MEI4: variants seen among roughly 807,000 people sequenced by gnomAD.
The protein encoded by MEI4 is meiotic double-stranded break formation protein 4.
Under a neutral mutation model 31.4 loss-of-function variants are expected in MEI4, and 27 were observed. That is an observed-to-expected ratio of 0.86 (90% CI 0.63 to 1.19). The LOEUF is 1.19. Ranked by LOEUF, MEI4 falls within the 50% of genes most tolerant of loss-of-function variation. MEI4 has a pLI of 0.00. For synonymous variants in MEI4, 122 were observed against 145.4 expected (o/e 0.84, Z 1.16); for missense variants, 329 against 398.9 (o/e 0.82, Z 1.49).
chr6:77,718,184 TTG>T (rs1215681829), intron 2 of MEI4, among the ~76,000 whole-genome samples: 1 of 80,824 alleles, frequency 1.2e-5, no homozygotes, highest in African/African-American at 5.3e-5. Context: ...TTCTTTTAAT[TTG>T]GAAATGTCTA....
At chr6:77,753,161 C>G (rs1211851343) in intron 2 of MEI4, among the ~76,000 whole-genome samples, 1 of 152,066 alleles carries the variant, frequency 6.6e-6, no homozygotes, top group East Asian at 1.9e-4. Flanking sequence ...AGAAGAAAAC[C>G]TAGGCAATAC....
chr6:77,838,572 T>C (rs1017146940), intron 4 of MEI4, among the ~76,000 whole-genome samples: 6 of 152,126 alleles, frequency 3.9e-5, no homozygotes, highest in Non-Finnish European at 8.8e-5. Context: ...TCATTCTCAC[T>C]GATTAAAACT....
intron 4 of MEI4, among the ~76,000 whole-genome samples, chr6:77,922,651 C>A (rs1042735460): frequency 2.6e-5 from 4 of 151,652 alleles, no homozygotes; most frequent in Non-Finnish European, 4.4e-5. Context: ...CAGGAAGATT[C>A]AGTATGATAT....
intron 3 of MEI4, among the ~76,000 whole-genome samples, chr6:77,801,585 G>A (rs1769260318): frequency 6.6e-6 from 1 of 152,120 alleles, no homozygotes; most frequent in Non-Finnish European, 1.5e-5. Flanking sequence ...ATGTTAGGGT[G>A]TCAATTTTAG....
At chr6:77,730,644 T>C (rs935700391) in intron 2 of MEI4, among the ~76,000 whole-genome samples, 5 of 151,820 alleles carry the variant, frequency 3.3e-5, no homozygotes, top group African/African-American at 9.7e-5. Context: ...ATTATTATTA[T>C]ACCTTAAGTT....
At chr6:77,844,323 A>C (rs1362435241) in intron 4 of MEI4, among the ~76,000 whole-genome samples, 2 of 152,158 alleles carry the variant, frequency 1.3e-5, no homozygotes, top group Non-Finnish European at 1.5e-5. Flanking sequence ...TAGATTTGGA[A>C]TTTCTGATTG....
chr6:77,754,864 G>A lies in MEI4; in HGVS notation c.233-6266G>A, dbSNP rs550460060. On this transcript the variant is annotated intron_variant, in intron 2 of 4. Coordinates refer to ENST00000684080, the MANE Select transcript of MEI4 (RefSeq NM_001322247.2). ...ACAACTCACTCACTGTCATGAGAAC[G>A]ACACAGCAGTAACCACCCCCATGAT... is the stretch of plus-strand genomic sequence containing the variant. Among the ~76,000 whole-genome samples the A allele has an allele frequency of 4.1e-4, 62 of 152,144 alleles. 1 individual carries two copies. The highest frequency in any genetic ancestry group is 2.6e-4 in the Non-Finnish European group (18 of 67,992).
At chr6:77,885,985 T>C (rs770647893) in intron 4 of MEI4, among the ~76,000 whole-genome samples, 7 of 152,190 alleles carry the variant, frequency 4.6e-5, no homozygotes, top group African/African-American at 7.2e-5. Flanking sequence ...TGTTGCATTA[T>C]TCTTACATCT....
At chr6:77,671,797 G>A (rs1449467758) in intron 1 of MEI4, among the ~76,000 whole-genome samples, 2 of 152,178 alleles carry the variant, frequency 1.3e-5, no homozygotes, top group African/African-American at 4.8e-5. Context: ...CAGAAATTCA[G>A]ATGTGTTTAG....
chr6:77,814,328 A>C (rs1380983454), intron 3 of MEI4, among the ~76,000 whole-genome samples: 2 of 152,182 alleles, frequency 1.3e-5, no homozygotes, highest in African/African-American at 4.8e-5. Flanking sequence ...CCAGAGAGAT[A>C]AAACAGGGCT....
At chr6:77,894,445 T>G (rs1766039167) in intron 4 of MEI4, among the ~76,000 whole-genome samples, 1 of 152,124 alleles carries the variant, frequency 6.6e-6, no homozygotes, top group African/African-American at 2.4e-5. Context: ...ACGGAATACA[T>G]ACAGCTTTTT....
intron 2 of MEI4, among the ~76,000 whole-genome samples, chr6:77,733,559 T>C (rs2127669032): frequency 6.6e-6 from 1 of 152,198 alleles, no homozygotes; most frequent in South Asian, 2.1e-4. Flanking sequence ...TCAGTTTTGT[T>C]GATCATTTCA....
In MEI4 at chr6:77,743,674, TCCCTGAC is replaced by T. The variant is rs755106220; in HGVS notation, c.233-17445_233-17439del. Among the ~76,000 whole-genome samples the T allele has an allele frequency of 4.1e-3, 626 of 152,170 alleles. 1 individual carries two copies. Among genetic ancestry groups the T allele is most frequent in the Non-Finnish European group, 6.9e-3 (471 of 68,002 alleles). Reference sequence around the variant, plus strand: ...CAGGCAGACTGCCTCCTCAAGTGGGTCCCTGACCCCTGACCCCCGAGCAGCCTAACTG... The same window carrying T: ...CAGGCAGACTGCCTCCTCAAGTGGGTCCCTGACCCCCGAGCAGCCTAACTG... On this transcript the variant is annotated intron_variant, in intron 2 of 4. Coordinates refer to ENST00000684080, the MANE Select transcript of MEI4 (RefSeq NM_001322247.2).
intron 4 of MEI4, among the ~76,000 whole-genome samples, chr6:77,852,885 AG>A (rs1458260788): frequency 9.2e-5 from 14 of 152,238 alleles, no homozygotes; most frequent in Admixed American, 9.2e-4. Context: ...GTATAGGAAA[AG>A]AAATCAATAA....
rs114416815 is a variant in MEI4 at position 77,671,443 on chromosome 6, A to G, written c.-15+18351A>G. Among the ~76,000 whole-genome samples, 213 of 152,266 alleles carry G rather than the reference A, an allele frequency of 1.4e-3. 1 individual carries two copies. The highest frequency in any genetic ancestry group is 3.1e-3 in the African/African-American group (129 of 41,560). On this transcript the variant is annotated intron_variant, in intron 1 of 4. Coordinates refer to ENST00000684080, the MANE Select transcript of MEI4 (RefSeq NM_001322247.2). Reference sequence around the variant, plus strand: ...AAGGTTGTTTGCTGACAAAGTGGTTATCTGAGCTGGACTCCCAAGCGTGAA... The same window carrying G: ...AAGGTTGTTTGCTGACAAAGTGGTTGTCTGAGCTGGACTCCCAAGCGTGAA...
chr6:77,799,073 C>A (rs1319931116), intron 3 of MEI4, among the ~76,000 whole-genome samples: 1 of 152,266 alleles, frequency 6.6e-6, no homozygotes, highest in Admixed American at 6.5e-5. Context: ...ACCACACTGA[C>A]TTCCACAATG....
chr6:77,736,412 CA>C (rs996038307), intron 2 of MEI4, among the ~76,000 whole-genome samples: 1 of 152,118 alleles, frequency 6.6e-6, no homozygotes, highest in African/African-American at 2.4e-5. Context: ...TGCCATCTGT[CA>C]CCCCTTTCTT....
At chr6:77,761,778 G>C in intron 3 of MEI4, 113 bp downstream of exon 3, 2 of 683,378 alleles carry the variant, frequency 2.9e-6, no homozygotes, top group Non-Finnish European at 4.1e-6. Context: ...ATCCCTTATT[G>C]GGTCTTTTTC....
chr6:77,914,446 T>A (rs1766497790), intron 4 of MEI4, among the ~76,000 whole-genome samples: 1 of 151,884 alleles, frequency 6.6e-6, no homozygotes, highest in Non-Finnish European at 1.5e-5. Context: ...TCCACTGTGG[T>A]CACAGAAGAT....
Sources: allele counts gnomAD v4.1 joint callset (sites outside exome capture counted in the v4.1 genomes callset), GRCh38; gene constraint gnomAD v4.1.1; transcripts MANE v1.5; gene names NCBI Gene and HGNC (gene_info 2026-07-23, HGNC 2026-07-21).